RAI1: variants seen among roughly 807,000 people sequenced by gnomAD.
RAI1 encodes retinoic acid-induced protein 1.
Under a neutral mutation model 123.8 loss-of-function variants are expected in RAI1, and 9 were observed. That is an observed-to-expected ratio of 0.07 (90% CI 0.04 to 0.13). The LOEUF is 0.13. Among genes scored for constraint, RAI1 ranks in the 10% least tolerant of loss-of-function variants. RAI1 has a pLI of 1.00. For synonymous variants in RAI1, 1,231 were observed against 1,127.3 expected, an observed-to-expected ratio of 1.09 and a Z score of -1.84; for missense variants, 2,256 against 2,545.8, an observed-to-expected ratio of 0.89 and a Z score of 2.45.
chr17:17,736,121 G>T (rs1221838180), intron 2 of RAI1, among the ~76,000 whole-genome samples: 12 of 152,126 alleles, frequency 7.9e-5, no homozygotes. Flanking sequence ...AGGATGGGGG[G>T]ACATTTCTGG....
chr17:17,712,502 CTG>C (rs1203946278), intron 1 of RAI1, among the ~76,000 whole-genome samples: 2 of 152,112 alleles, frequency 1.3e-5, no homozygotes, highest in Admixed American at 6.5e-5. Flanking sequence ...GCATAGGAGA[CTG>C]TGGGCTGTGG....
At chr17:17,785,800 G>A (rs1389848853) in intron 2 of RAI1, among the ~76,000 whole-genome samples, 3 of 152,146 alleles carry the variant, frequency 2.0e-5, no homozygotes, top group Non-Finnish European at 4.4e-5. Context: ...CAGAGCTTCT[G>A]CTGGGCCCGT....
At chr17:17,737,729 A>G (rs925293176) in intron 2 of RAI1, among the ~76,000 whole-genome samples, 4 of 152,244 alleles carry the variant, frequency 2.6e-5, no homozygotes, top group African/African-American at 9.6e-5. Flanking sequence ...GGGGGCTACA[A>G]GGCTGAACAT....
At chr17:17,739,922 C>T (rs1020587115) in intron 2 of RAI1, among the ~76,000 whole-genome samples, 2 of 152,206 alleles carry the variant, frequency 1.3e-5, no homozygotes, top group Non-Finnish European at 2.9e-5. Flanking sequence ...CGGCCCTTCC[C>T]CCAAGCACAT....
intron 2 of RAI1, among the ~76,000 whole-genome samples, chr17:17,732,624 C>A (rs1006994613): frequency 6.6e-6 from 1 of 152,204 alleles, no homozygotes; most frequent in African/African-American, 2.4e-5. Flanking sequence ...GAGCTCCTGG[C>A]ACACTCCTTT....
At chr17:17,782,746 C>T (rs1006007278) in intron 2 of RAI1, among the ~76,000 whole-genome samples, 1 of 151,902 alleles carries the variant, frequency 6.6e-6, no homozygotes, top group African/African-American at 2.4e-5. Context: ...GCCTGGGGCC[C>T]GGCGAGCCGG....
Position 17,796,997 on chromosome 17 carries a change from G to C in RAI1, c.4049G>C (p.Gly1350Ala). 2 of 1,613,870 alleles carry C rather than the reference G, an allele frequency of 1.2e-6. No homozygotes were observed. Among genetic ancestry groups the C allele is most frequent in the Non-Finnish European group, 1.7e-6 (2 of 1,180,040 alleles). Residue 1350 changes from glycine (G) to alanine (A), a missense_variant, in exon 3 of 6, where the codon GGG (glycine) becomes GCG (alanine). Gly to Ala is a moderately conservative substitution (Grantham distance 60). Coordinates refer to ENST00000353383, the MANE Select transcript of RAI1 (RefSeq NM_030665.4). The surrounding 1 kb of genome is among the most constrained non-coding windows in gnomAD (Gnocchi z 5.8). ...AAGAAGTTCGCATGTAAAGCGCCAG[G>C]GGCCTCTCCTGGTAATCCTCTGAGC... ...SLKKFACKAP[G>A]ASPGNPLSPS... is the part of the protein sequence containing the mutation.
In RAI1 at chr17:17,778,354, T is replaced by C. The variant is rs180804278; in HGVS notation, c.-16-14579T>C. 1.4e-4 allele frequency: 33 copies of C among 234,706 alleles called. No homozygotes were observed. In the East Asian group the frequency reaches 3.4e-3, roughly 24 times the overall value. 14.5% of individuals were successfully genotyped at this position (234,706 alleles called of 1,614,324 possible). A position where few individuals can be genotyped will look rare whatever the true frequency, so the allele number is the denominator to read the frequency against. On this transcript the variant is annotated intron_variant, in intron 2 of 5. Coordinates refer to ENST00000353383, the MANE Select transcript of RAI1 (RefSeq NM_030665.4). ...CTGGCTCCCCATGAACTGGTGGCCC[T>C]GGAAGTTGCTACCTTTTATTGAGCC... is the stretch of plus-strand genomic sequence containing the variant.
chr17:17,807,093 G>A lies in RAI1; in HGVS notation c.5660-2297G>A, dbSNP rs886629667. Among the ~76,000 whole-genome samples, 14 of 152,178 alleles carry A rather than the reference G, an allele frequency of 9.2e-5. 1 individual carries two copies. The highest frequency in any genetic ancestry group is 9.2e-4 in the Admixed American group (14 of 15,282). On this transcript the variant is annotated intron_variant, in intron 4 of 5. Coordinates refer to ENST00000353383, the MANE Select transcript of RAI1 (RefSeq NM_030665.4). ...AAATAGCAGGGTTGTGTTCACCATG[G>A]AACAGCTGGCTGAGGAGGAGGGTGG...
intron 2 of RAI1, among the ~76,000 whole-genome samples, chr17:17,784,661 CT>C (rs2031760423): frequency 6.6e-6 from 1 of 152,166 alleles, no homozygotes; most frequent in South Asian, 2.1e-4. Flanking sequence ...CCGGAGACCC[CT>C]ATGCCGTTTG....
chr17:17,775,411 C>T (rs2031306332), intron 2 of RAI1, among the ~76,000 whole-genome samples: 1 of 151,918 alleles, frequency 6.6e-6, no homozygotes, highest in Non-Finnish European at 1.5e-5. Flanking sequence ...ATCATGTCAC[C>T]CAGGCTAGTC....
intron 2 of RAI1, chr17:17,777,009 C>G (rs1294894382): frequency 6.6e-6 from 1 of 152,218 alleles, no homozygotes; most frequent in Non-Finnish European, 1.5e-5. Context: ...AACTTGAAGA[C>G]TGCTCCAATT....
At position 17,796,001 on chromosome 17, in the gene RAI1, C is replaced by T; in HGVS notation, c.3053C>T (p.Pro1018Leu). The change falls in exon 3 of 6, where the codon CCA becomes CTA. Residue 1018 changes from proline to leucine, a missense_variant. Around this residue, in one of 7 missense-constraint regions of RAI1, gnomAD observed 566 missense variants for 616.0 expected, o/e 0.92. Transcript: ENST00000353383. The surrounding 1 kb of genome is among the most constrained non-coding windows in gnomAD (Gnocchi z 5.8). Reference protein sequence around the residue: ...PEAEDSPCRAPVLPKDLLLPE... With the variant: ...PEAEDSPCRALVLPKDLLLPE... ...GCCGAGGACTCCCCATGCAGGGCACCAGTGCTGCCCAAAGACCTCTTGCTC... is the reference window on the plus strand; with the variant it reads ...GCCGAGGACTCCCCATGCAGGGCACTAGTGCTGCCCAAAGACCTCTTGCTC... The T allele has an allele frequency of 6.3e-7, 1 of 1,597,148 alleles. No homozygotes were observed. Among genetic ancestry groups the T allele is most frequent in the Non-Finnish European group, 8.5e-7 (1 of 1,173,576 alleles).
At chr17:17,707,057 C>T (rs1915416179) in intron 1 of RAI1, among the ~76,000 whole-genome samples, 1 of 152,216 alleles carries the variant, frequency 6.6e-6, no homozygotes, top group Non-Finnish European at 1.5e-5. Context: ...CTCCTTAGTC[C>T]TAAGCTACTC....
intron 1 of RAI1, among the ~76,000 whole-genome samples, chr17:17,688,507 T>G (rs1014425101): frequency 6.6e-6 from 1 of 151,752 alleles, no homozygotes; most frequent in African/African-American, 2.4e-5. Flanking sequence ...ATAAACAAAA[T>G]GAGGATAGTA....
At chr17:17,715,811 CG>C (rs909782414) in intron 1 of RAI1, among the ~76,000 whole-genome samples, 5 of 152,180 alleles carry the variant, frequency 3.3e-5, no homozygotes, top group Admixed American at 3.3e-4. Context: ...CGCCCCTTTG[CG>C]GGTGTGAACT....
intron 2 of RAI1, among the ~76,000 whole-genome samples, chr17:17,782,640 G>C (rs996758896): frequency 6.2e-5 from 9 of 145,200 alleles, no homozygotes; most frequent in Admixed American, 3.4e-4. Flanking sequence ...GGGGCGACGA[G>C]GACCCAGTGG....
At chr17:17,798,867 CGAG>C (rs2032362095) in intron 3 of RAI1, among the ~76,000 whole-genome samples, 1 of 152,194 alleles carries the variant, frequency 6.6e-6, no homozygotes, top group Non-Finnish European at 1.5e-5. Context: ...CCAGAGAACA[CGAG>C]GACTCCCAAG....
chr17:17,730,572 C>T (rs1197238961), intron 2 of RAI1, among the ~76,000 whole-genome samples: 4 of 152,266 alleles, frequency 2.6e-5, no homozygotes, highest in Admixed American at 6.5e-5. Flanking sequence ...AGCACCCCTA[C>T]GACCAGATTT....
Sources: gnomAD v4.1 joint callset for allele counts (sites outside exome capture counted in the v4.1 genomes callset) on GRCh38, gnomAD v4.1.1 for gene constraint, gnomAD v4.1.1 regional missense constraint, Gnocchi (gnomAD v3.1) non-coding constraint, MANE v1.5 for transcripts, NCBI Gene and HGNC (gene_info 2026-07-23, HGNC 2026-07-21) for gene names.